PMF1: variants seen among roughly 807,000 people sequenced by gnomAD.
PMF1 encodes polyamine-modulated factor 1.
A neutral mutation model predicts 26.7 loss-of-function variants in PMF1; 21 were observed. The ratio of observed to expected loss-of-function variants is 0.79; its 90% CI spans 0.56 to 1.13. PMF1 has a LOEUF of 1.13. PMF1 is among the 50% of genes most tolerant of loss of function. The probability of loss-of-function intolerance (pLI) is 0.00; values close to 1 mark genes in which losing one functional copy is unlikely to be tolerated. For missense variants in PMF1, 266 were observed against 254.9 expected (o/e 1.04, Z -0.30); for synonymous variants, 105 against 101.0 (o/e 1.04, Z -0.24).
chr1:156,228,255 G>GGTTTT (rs1558193692), intron 1 of PMF1, among the ~76,000 whole-genome samples: 2 of 51,240 alleles, frequency 3.9e-5, no homozygotes, highest in Non-Finnish European at 8.2e-5. Context: ...CGCACCTGGC[G>GGTTTT]ATTTTTTTTT....
chr1:156,237,486 G>A (rs1659093603), intron 4 of PMF1, among the ~76,000 whole-genome samples: 1 of 121,130 alleles, frequency 8.3e-6, no homozygotes, highest in Admixed American at 1.0e-4. Flanking sequence ...TCACTCTGTT[G>A]CCCAGGCTGG....
At chr1:156,227,785 AC>A (rs1484161392) in intron 1 of PMF1, among the ~76,000 whole-genome samples, 3 of 151,838 alleles carry the variant, frequency 2.0e-5, no homozygotes, top group Admixed American at 6.6e-5. Flanking sequence ...GGTGTGAGCC[AC>A]TGCGCCTGGC....
chr1:156,216,844 G>A (rs1188329126), intron 1 of PMF1, among the ~76,000 whole-genome samples: 1 of 151,914 alleles, frequency 6.6e-6, no homozygotes, highest in Non-Finnish European at 1.5e-5. Context: ...CGGCCGGCCC[G>A]CCTCCGCTCC....
Position 156,236,390 on chromosome 1 carries a change from C to G in PMF1, c.471C>G (p.Ala157=), listed in dbSNP as rs11540816. The G allele has an allele frequency of 2.7e-5, 43 of 1,614,058 alleles. No individual in the cohort carries two copies. The African/African-American group carries it at 5.2e-4, about 20-fold the overall frequency. ...GGCGCCATGTGCAGAAACAGGAGGC[C>G]GAGAACCAGCAGCTGGCAGATGCCG... ...TLRRHVQKQE[A]ENQQLADAVL... Residue 157 remains alanine, a synonymous_variant, in exon 4 of 5, where the codon GCC becomes GCG. Coordinates refer to ENST00000368277, the MANE Select transcript of PMF1 (RefSeq NM_007221.4).
intron 1 of PMF1, among the ~76,000 whole-genome samples, chr1:156,227,803 T>G (rs1658452783): frequency 6.6e-6 from 1 of 150,966 alleles, no homozygotes; most frequent in East Asian, 2.0e-4. Flanking sequence ...TGGCCTTAAA[T>G]TTTTTTTTAT....
At position 156,236,061 on chromosome 1, in the gene PMF1, A is replaced by G. The variant is rs887952; in HGVS notation, c.369-227A>G. Among the ~76,000 whole-genome samples, 328 of 152,296 alleles carry G rather than the reference A, an allele frequency of 2.2e-3. 1 individual carries two copies. The highest frequency in any genetic ancestry group is 0.02 in the Middle Eastern group (6 of 294). On this transcript the variant is annotated intron_variant, in intron 3 of 4. Coordinates refer to ENST00000368277, the MANE Select transcript of PMF1 (RefSeq NM_007221.4). ...GAAGGCTAAGATAGGGGCTGAAGTGAGAAGGGGGAGAGGTGGACCCCTAAG... is the reference window on the plus strand; with the variant it reads ...GAAGGCTAAGATAGGGGCTGAAGTGGGAAGGGGGAGAGGTGGACCCCTAAG...
At chr1:156,225,123 C>T (rs1177211771) in intron 1 of PMF1, among the ~76,000 whole-genome samples, 1 of 152,056 alleles carries the variant, frequency 6.6e-6, no homozygotes, top group Non-Finnish European at 1.5e-5. Flanking sequence ...TGGTCTCGAA[C>T]TCCTGACCTC....
intron 1 of PMF1, among the ~76,000 whole-genome samples, chr1:156,227,302 A>G (rs997150879): frequency 6.6e-6 from 1 of 151,724 alleles, no homozygotes; most frequent in Admixed American, 6.6e-5. Flanking sequence ...TTGGGAGTTC[A>G]AGACCAGCCT....
rs778448047 is a variant in PMF1 at position 156,213,032 on chromosome 1, G to C, written c.17G>C (p.Ser6Thr). 3.1e-6 allele frequency: 5 copies of C among 1,614,196 alleles called. No individual in the cohort carries two copies. Among genetic ancestry groups the C allele is most frequent in the South Asian group, 1.1e-5 (1 of 91,090 alleles). MAEAS[S>T]ANLGSGCEEK... ...AACTTCAACATGGCCGAAGCAAGTA[G>C]CGCCAATCTAGGCAGCGGCTGTGAG... The change falls in exon 1 of 5, where the codon AGC (serine) becomes ACC (threonine). Residue 6 changes from serine to threonine, a missense_variant. By Grantham distance (58) the Ser-to-Thr change is moderately conservative. Coordinates refer to ENST00000368277, the MANE Select transcript of PMF1 (RefSeq NM_007221.4).
chr1:156,224,889 C>T (rs184961276), intron 1 of PMF1, among the ~76,000 whole-genome samples: 172 of 150,248 alleles, frequency 1.1e-3, no homozygotes, highest in Non-Finnish European at 2.1e-3. Flanking sequence ...GAGAAAAAGA[C>T]CAAATGGAGA....
chr1:156,237,360 C>T (rs1659080155), intron 4 of PMF1: 1 of 152,168 alleles, frequency 6.6e-6, no homozygotes, highest in East Asian at 1.9e-4. Flanking sequence ...CCACCCTTTC[C>T]CCCAGCCTCT....
rs1190784458 is a variant in PMF1 at position 156,232,378 on chromosome 1, C to T, written c.220C>T (p.Gln74Ter). The change falls in exon 2 of 5, where the codon CAG becomes TAG. Residue 74 changes from glutamine (Q) to a stop codon, truncating the protein, a stop_gained. Coordinates refer to ENST00000368277, the MANE Select transcript of PMF1 (RefSeq NM_007221.4). LOFTEE classifies it high-confidence loss of function. ...CTACCAGTTGCAGCCTGCGATGACA[C>T]AGCAAATCTATGACAAGTTTATAGC... ...CFYQLQPAMT[Q>*]QIYDKFIAQL... 6.2e-7 allele frequency: 1 copy of T among 1,614,106 alleles called. No individual in the cohort carries two copies.
At chr1:156,220,243 C>T (rs543531595) in intron 1 of PMF1, among the ~76,000 whole-genome samples, 1 of 151,988 alleles carries the variant, frequency 6.6e-6, no homozygotes, top group South Asian at 2.1e-4. Flanking sequence ...GGATTACAGG[C>T]GTGAGCCACC....
At chr1:156,234,549 C>T (rs756052447) in intron 3 of PMF1, among the ~76,000 whole-genome samples, 2 of 151,452 alleles carry the variant, frequency 1.3e-5, no homozygotes, top group African/African-American at 2.4e-5. Flanking sequence ...TGCTCTGTTG[C>T]CCAGGTTGGA....
At chr1:156,217,773 T>G (rs1326034764) in intron 1 of PMF1, among the ~76,000 whole-genome samples, 2 of 151,740 alleles carry the variant, frequency 1.3e-5, no homozygotes, top group African/African-American at 4.8e-5. Flanking sequence ...AAAGTGCACA[T>G]GCACATGGTT....
intron 1 of PMF1, among the ~76,000 whole-genome samples, chr1:156,230,708 C>A (rs1658649314): frequency 6.6e-6 from 1 of 152,154 alleles, no homozygotes; most frequent in African/African-American, 2.4e-5. Context: ...TTGAATACTT[C>A]CAGCTGCAAA....
At chr1:156,222,116 CA>C (rs1658113804) in intron 1 of PMF1, among the ~76,000 whole-genome samples, 1 of 152,200 alleles carries the variant, frequency 6.6e-6, no homozygotes, top group Admixed American at 6.5e-5. Context: ...GCACAGTGTA[CA>C]AGGCCATTCC....
chr1:156,225,251 G>A (rs1572489916), intron 1 of PMF1, among the ~76,000 whole-genome samples: 1 of 143,080 alleles, frequency 7.0e-6, no homozygotes, highest in East Asian at 2.2e-4. Flanking sequence ...AGGGGATGAA[G>A]AGCAAGAATT....
At chr1:156,234,744 G>GCCT (rs1292595632) in intron 3 of PMF1, among the ~76,000 whole-genome samples, 1 of 151,986 alleles carries the variant, frequency 6.6e-6, no homozygotes, top group Non-Finnish European at 1.5e-5. Flanking sequence ...CCTGACCTCA[G>GCCT]GTGATCCTCC....
Sources: gnomAD v4.1 joint callset for allele counts (sites outside exome capture counted in the v4.1 genomes callset) on GRCh38, gnomAD v4.1.1 for gene constraint, MANE v1.5 for transcripts, NCBI Gene and HGNC (gene_info 2026-07-23, HGNC 2026-07-21) for gene names.